TTC1: variants seen among roughly 807,000 people sequenced by gnomAD.
The protein encoded by TTC1 is tetratricopeptide repeat protein 1.
A neutral mutation model predicts 37.6 loss-of-function variants in TTC1; 31 were observed. The observed-to-expected ratio is 0.82, with a 90% CI of 0.62 to 1.11. The LOEUF is 1.11. Ranked by LOEUF, TTC1 falls within the 50% of genes most tolerant of loss-of-function variation. TTC1 has a pLI of 0.00. For synonymous variants in TTC1, 127 were observed against 122.4 expected, an observed-to-expected ratio of 1.04 and a Z score of -0.25; for missense variants, 351 against 339.0, an observed-to-expected ratio of 1.04 and a Z score of -0.28.
chr5:160,035,931 T>A (rs1581102200), intron 3 of TTC1, among the ~76,000 whole-genome samples: 2 of 151,626 alleles, frequency 1.3e-5, no homozygotes, highest in East Asian at 3.8e-4. Context: ...GTTACCCTAT[T>A]ACCTGATTTC....
chr5:160,010,685 C>A lies in TTC1; in HGVS notation c.157C>A (p.Leu53Ile). 1 of 1,613,754 alleles carries A rather than the reference C, an allele frequency of 6.2e-7. No homozygotes were observed. The highest frequency in any genetic ancestry group is 8.5e-7 in the Non-Finnish European group (1 of 1,179,824). ...SKLLRDDEAH[L>I]QEDQGEEECF... ...GCTGCTCAGGGATGATGAGGCCCAT[C>A]TCCAGGAGGACCAGGGAGAAGAGGA... Residue 53 changes from leucine to isoleucine, a missense_variant, in exon 2 of 8, where the codon CTC becomes ATC. Physicochemically the swap from Leu to Ile is conservative, Grantham distance 5. Coordinates refer to ENST00000231238, the MANE Select transcript of TTC1 (RefSeq NM_003314.3).
rs991322629 is a variant in TTC1, at chr5:160,057,746, G to T, written c.745+6563G>T. Among the ~76,000 whole-genome samples, 1 of 152,104 alleles carries T rather than the reference G, an allele frequency of 6.6e-6. No individual in the cohort carries two copies. The highest frequency in any genetic ancestry group is 2.4e-5 in the African/African-American group (1 of 41,422). On this transcript the variant is annotated intron_variant, in intron 7 of 7. Coordinates refer to ENST00000231238, the MANE Select transcript of TTC1 (RefSeq NM_003314.3). This position sits in a 1 kb window ranked among gnomAD's most constrained non-coding sequence, Gnocchi z 4.4. ...CCCTGCTGCTGCTTTATCAGCTAAGGTTATGTAATATTTGGGGGTTTGTGC... is the reference window on the plus strand; with the variant it reads ...CCCTGCTGCTGCTTTATCAGCTAAGTTTATGTAATATTTGGGGGTTTGTGC...
At chr5:160,016,935 T>G (rs1246141326) in intron 2 of TTC1, among the ~76,000 whole-genome samples, 1 of 152,154 alleles carries the variant, frequency 6.6e-6, no homozygotes, top group Non-Finnish European at 1.5e-5. Flanking sequence ...GACTCATAAA[T>G]CAAGAATAAT....
intron 2 of TTC1, among the ~76,000 whole-genome samples, chr5:160,024,897 G>A (rs1756774181): frequency 1.3e-5 from 2 of 151,570 alleles, no homozygotes; most frequent in African/African-American, 2.4e-5. Flanking sequence ...GCAGTGGCAC[G>A]ATTCCATAAT....
chr5:160,063,216 C>A (rs575983704), intron 7 of TTC1, among the ~76,000 whole-genome samples: 24 of 152,276 alleles, frequency 1.6e-4, no homozygotes, highest in South Asian at 4.1e-4. Context: ...TTAGGGAGGC[C>A]TGTAAAATGT....
intron 7 of TTC1, among the ~76,000 whole-genome samples, chr5:160,054,241 G>A (rs1757482422): frequency 6.6e-6 from 1 of 152,190 alleles, no homozygotes; most frequent in African/African-American, 2.4e-5. Flanking sequence ...GAGGCTCAGA[G>A]CATTTTTGAG....
chr5:160,028,811 G>T (rs746462489), intron 2 of TTC1, among the ~76,000 whole-genome samples: 2 of 151,984 alleles, frequency 1.3e-5, no homozygotes, highest in African/African-American at 2.4e-5. Context: ...AAAAGGATTT[G>T]ACAACCTCCT....
chr5:160,030,468 T>G (rs1490863694), intron 2 of TTC1, among the ~76,000 whole-genome samples: 1 of 152,208 alleles, frequency 6.6e-6, no homozygotes, highest in Non-Finnish European at 1.5e-5. Flanking sequence ...CATGCCCACC[T>G]CTCAAAATTA....
rs375101577 is a variant in TTC1 at position 160,064,053 on chromosome 5, C to T, written c.746-879C>T. ...GCGCAATCTCAGCTCACTGCAACCT[C>T]TGCCTCCCAGGTGCAAACGATTGTC... On this transcript the variant is annotated intron_variant, in intron 7 of 7. Coordinates refer to ENST00000231238, the MANE Select transcript of TTC1 (RefSeq NM_003314.3). Among the ~76,000 whole-genome samples, 8 of 151,340 alleles carry T rather than the reference C, an allele frequency of 5.3e-5. No individual in the cohort carries two copies. The East Asian group carries it at 7.9e-4, about 15-fold the overall frequency.
At chr5:160,024,798 C>T (rs1339786010) in intron 2 of TTC1, among the ~76,000 whole-genome samples, 3 of 151,230 alleles carry the variant, frequency 2.0e-5, no homozygotes, top group East Asian at 4.0e-4. Flanking sequence ...TGGTCCAAGC[C>T]CTTGATTCAG....
intron 7 of TTC1, among the ~76,000 whole-genome samples, chr5:160,062,943 C>CGTAG (rs1299254616): frequency 6.6e-6 from 1 of 152,198 alleles, no homozygotes. Flanking sequence ...CCTCCCTCTA[C>CGTAG]GCCCATGTGC....
chr5:160,064,164 T>C (rs1387653230), intron 7 of TTC1, among the ~76,000 whole-genome samples: 1 of 152,080 alleles, frequency 6.6e-6, no homozygotes, highest in Non-Finnish European at 1.5e-5. Context: ...AGATAGGGTT[T>C]CATCATGTTG....
At chr5:160,037,249 A>G (rs1757012712) in intron 4 of TTC1, among the ~76,000 whole-genome samples, 1 of 152,222 alleles carries the variant, frequency 6.6e-6, no homozygotes, top group Non-Finnish European at 1.5e-5. Context: ...AAGTATGGAC[A>G]CTTGGAGAAA....
chr5:160,035,635 T>C (rs922066703), intron 3 of TTC1, among the ~76,000 whole-genome samples: 11 of 152,348 alleles, frequency 7.2e-5, no homozygotes, highest in African/African-American at 2.6e-4. Context: ...CTTTCTTTCT[T>C]TCTTTTTTTA....
intron 7 of TTC1, among the ~76,000 whole-genome samples, chr5:160,052,016 A>G (rs1471034941): frequency 6.6e-6 from 1 of 152,238 alleles, no homozygotes; most frequent in Non-Finnish European, 1.5e-5. Context: ...ATGGGAACAA[A>G]TTTCCCAAAG....
Position 160,065,520 on chromosome 5 carries a change from G to A in TTC1, c.*455G>A, listed in dbSNP as rs1186119936. On this transcript the variant is annotated 3_prime_UTR_variant, in exon 8 of 8. Transcript: ENST00000231238. ...TCCAGCATTTCCTGATTTCCTCTGT[G>A]GTAATAAAAGCTTTCTGTGCTTAGG... 2.5e-6 allele frequency: 1 copy of A among 405,750 alleles called. No homozygotes were observed. The highest frequency in any genetic ancestry group is 4.9e-6 in the Non-Finnish European group (1 of 204,832). 25.1% of individuals were successfully genotyped at this position (405,750 alleles called of 1,614,324 possible). A position where few individuals can be genotyped will look rare whatever the true frequency, so the allele number is the denominator to read the frequency against.
intron 2 of TTC1, among the ~76,000 whole-genome samples, chr5:160,029,885 A>G (rs1380486428): frequency 1.3e-5 from 2 of 152,222 alleles, no homozygotes; most frequent in Non-Finnish European, 2.9e-5. Flanking sequence ...TACCTGGAGC[A>G]TAGTTTAAAA....
At chr5:160,064,423 A>G (rs1019746320) in intron 7 of TTC1, among the ~76,000 whole-genome samples, 1 of 152,248 alleles carries the variant, frequency 6.6e-6, no homozygotes, top group African/African-American at 2.4e-5. Context: ...TGTTTAGGAA[A>G]GCAGGAAGCT....
At chr5:160,054,528 C>T (rs375009386) in intron 7 of TTC1, among the ~76,000 whole-genome samples, 8 of 151,826 alleles carry the variant, frequency 5.3e-5, no homozygotes, top group Non-Finnish European at 5.9e-5. Context: ...GGTGGATTGC[C>T]TTAGTCCAGG....
Sources: allele counts gnomAD v4.1 joint callset (sites outside exome capture counted in the v4.1 genomes callset), GRCh38; gene constraint gnomAD v4.1.1; non-coding constraint Gnocchi (gnomAD v3.1); transcripts MANE v1.5; gene names NCBI Gene and HGNC (gene_info 2026-07-23, HGNC 2026-07-21).